Variants in SGCZ observed in about 807,000 individuals in gnomAD.
SGCZ encodes the protein sarcoglycan zeta.
In SGCZ, 40 loss-of-function variants were observed where a neutral mutation model predicts 41.3. The ratio of observed to expected loss-of-function variants is 0.97; its 90% CI spans 0.75 to 1.26. The LOEUF (loss-of-function observed/expected upper bound fraction) is 1.26. Ranked by LOEUF, SGCZ falls within the 50% of genes most tolerant of loss-of-function variation. The probability of loss-of-function intolerance (pLI) is 0.00; values close to 1 mark genes in which losing one functional copy is unlikely to be tolerated. For missense variants in SGCZ, 552 were observed against 369.8 expected, an observed-to-expected ratio of 1.49 and a Z score of -4.04; for synonymous variants, 206 against 137.5, an observed-to-expected ratio of 1.50 and a Z score of -3.49.
At chr8:14,112,246 C>A in intron 5 of SGCZ, among the ~76,000 whole-genome samples, 1 of 144,908 alleles carries the variant, frequency 6.9e-6, no homozygotes, top group Non-Finnish European at 1.5e-5. Flanking sequence ...CCAATAAAAT[C>A]AACTATGATC....
Position 14,389,650 on chromosome 8 carries a change from G to A in SGCZ, c.235-65446C>T, listed in dbSNP as rs112012824. Among the ~76,000 whole-genome samples, 7 of 151,962 alleles carry A rather than the reference G, an allele frequency of 4.6e-5. 1 individual carries two copies. Among genetic ancestry groups the A allele is most frequent in the African/African-American group, 1.7e-4 (7 of 41,526 alleles). On this transcript the variant is annotated intron_variant, in intron 2 of 7. Transcript: ENST00000382080. ...CTTTATAGACTCTTGTAGAAAATTA[G>A]TACTTAAGAATATGTTTTAGTAAGA...
intron 4 of SGCZ, among the ~76,000 whole-genome samples, chr8:14,188,810 T>A (rs549522500): frequency 3.9e-4 from 32 of 82,998 alleles, no homozygotes; most frequent in African/African-American, 1.7e-3. Context: ...TTTTTTTTGT[T>A]TGTTTGTTTC....
chr8:15,094,128 TG>T (rs1404130600), intron 1 of SGCZ, among the ~76,000 whole-genome samples: 1 of 152,080 alleles, frequency 6.6e-6, no homozygotes, highest in Admixed American at 6.6e-5. Flanking sequence ...TATTTATTTA[TG>T]GTTTTTTTTA....
intron 5 of SGCZ, among the ~76,000 whole-genome samples, chr8:14,111,328 T>TAACA (rs1802365498): frequency 6.6e-6 from 1 of 152,156 alleles, no homozygotes; most frequent in African/African-American, 2.4e-5. Context: ...CTGGAAACCC[T>TAACA]AACAATTTGT....
At chr8:14,865,164 G>C (rs552788032) in intron 1 of SGCZ, among the ~76,000 whole-genome samples, 1 of 152,008 alleles carries the variant, frequency 6.6e-6, no homozygotes, top group African/African-American at 2.4e-5. Context: ...TCACATTCAA[G>C]GTCCACCGTC....
intron 1 of SGCZ, among the ~76,000 whole-genome samples, chr8:14,874,137 C>A (rs1804262747): frequency 1.3e-5 from 2 of 152,110 alleles, no homozygotes; most frequent in Non-Finnish European, 2.9e-5. Flanking sequence ...AGTTTGAGAA[C>A]TTCTAACTTC....
At chr8:14,825,789 G>A (rs1802287266) in intron 1 of SGCZ, among the ~76,000 whole-genome samples, 1 of 152,118 alleles carries the variant, frequency 6.6e-6, no homozygotes, top group South Asian at 2.1e-4. Context: ...ACATGTAAGT[G>A]AGATCATGTG....
chr8:14,758,969 T>C (rs1273628679), intron 1 of SGCZ, among the ~76,000 whole-genome samples: 2 of 150,006 alleles, frequency 1.3e-5, no homozygotes, highest in Non-Finnish European at 2.9e-5. Context: ...GATCAGGCCA[T>C]TGCACTCCAG....
At chr8:14,595,440 C>T (rs189339212) in intron 1 of SGCZ, among the ~76,000 whole-genome samples, 1 of 149,452 alleles carries the variant, frequency 6.7e-6, no homozygotes, top group Non-Finnish European at 1.5e-5. Context: ...CACACACACA[C>T]ACCATGTACT....
intron 1 of SGCZ, among the ~76,000 whole-genome samples, chr8:15,107,678 G>C (rs1231073475): frequency 6.6e-6 from 1 of 152,026 alleles, no homozygotes; most frequent in Non-Finnish European, 1.5e-5. Context: ...TTTGTTTTAA[G>C]TTACCCAGCC....
chr8:15,177,088 A>T (rs1800022233), intron 1 of SGCZ, among the ~76,000 whole-genome samples: 1 of 152,262 alleles, frequency 6.6e-6, no homozygotes, highest in African/African-American at 2.4e-5. Context: ...ATTCTAGGGA[A>T]GAAATTGTAG....
chr8:14,918,825 A>C (rs937181922), intron 1 of SGCZ, among the ~76,000 whole-genome samples: 4 of 152,232 alleles, frequency 2.6e-5, no homozygotes. Flanking sequence ...ACCAGCATAC[A>C]CTATGTGCTT....
At chr8:14,403,137 T>A (rs1291541942) in intron 2 of SGCZ, among the ~76,000 whole-genome samples, 2 of 150,150 alleles carry the variant, frequency 1.3e-5, no homozygotes, top group Non-Finnish European at 2.9e-5. Flanking sequence ...GTACATTGAT[T>A]TTGTATCCCG....
At chr8:14,289,673 A>C (rs1478508343) in intron 3 of SGCZ, among the ~76,000 whole-genome samples, 4 of 152,040 alleles carry the variant, frequency 2.6e-5, no homozygotes, top group Admixed American at 1.3e-4. Flanking sequence ...TTTATAGCCA[A>C]CTGATATTGG....
At chr8:14,730,988 G>A (rs1810220308) in intron 1 of SGCZ, among the ~76,000 whole-genome samples, 1 of 151,594 alleles carries the variant, frequency 6.6e-6, no homozygotes, top group Non-Finnish European at 1.5e-5. Flanking sequence ...TATTCCTCAA[G>A]AATCTAGAAC....
intron 1 of SGCZ, among the ~76,000 whole-genome samples, chr8:14,765,967 CTTTT>C (rs59212700): frequency 4.2e-5 from 6 of 141,538 alleles, no homozygotes; most frequent in Admixed American, 2.1e-4. Flanking sequence ...ATATGATAGT[CTTTT>C]TTTTTTTTTT....
chr8:14,630,553 C>T (rs1806613752), intron 1 of SGCZ, among the ~76,000 whole-genome samples: 1 of 152,034 alleles, frequency 6.6e-6, no homozygotes, highest in African/African-American at 2.4e-5. Flanking sequence ...AATCATGCTG[C>T]TATAAAGACA....
At chr8:14,127,415 G>C (rs950784301) in intron 5 of SGCZ, among the ~76,000 whole-genome samples, 6 of 151,824 alleles carry the variant, frequency 4.0e-5, no homozygotes, top group African/African-American at 1.2e-4. Flanking sequence ...TCATCACTTT[G>C]ATTAATTTTA....
intron 2 of SGCZ, among the ~76,000 whole-genome samples, chr8:14,407,062 T>G: frequency 7.5e-6 from 1 of 132,548 alleles, no homozygotes; most frequent in African/African-American, 3.1e-5. Context: ...GTTATGAGTT[T>G]TCCTTTTTTT....
Sources: allele counts gnomAD v4.1 joint callset (sites outside exome capture counted in the v4.1 genomes callset), GRCh38; gene constraint gnomAD v4.1.1; transcripts MANE v1.5; gene names NCBI Gene and HGNC (gene_info 2026-07-23, HGNC 2026-07-21).